CTNNA1: variants seen among roughly 807,000 people sequenced by gnomAD.
CTNNA1 encodes catenin alpha-1.
CTNNA1 carries 37 observed loss-of-function variants against 98.4 expected under a neutral mutation model. That is an observed-to-expected ratio of 0.38 (90% CI 0.29 to 0.49). The LOEUF (loss-of-function observed/expected upper bound fraction) is 0.49, where lower values mean the gene tolerates loss of function less well. Ranked by LOEUF, CTNNA1 falls within the 20% of genes least tolerant of loss-of-function variation. The pLI, the probability that CTNNA1 is intolerant of heterozygous loss-of-function variation, is 0.95. For synonymous variants in CTNNA1, 404 were observed against 413.2 expected (o/e 0.98, Z 0.27); for missense variants, 761 against 1,147.2 (o/e 0.66, Z 4.86).
chr5:138,892,476 T>C (rs1423021327), intron 9 of CTNNA1, among the ~76,000 whole-genome samples: 1 of 151,242 alleles, frequency 6.6e-6, no homozygotes, highest in Non-Finnish European at 1.5e-5. Flanking sequence ...GTTGCTAGGA[T>C]TACAGGTGCC....
At chr5:138,776,536 G>T (rs888100179) in intron 1 of CTNNA1, among the ~76,000 whole-genome samples, 8 of 152,290 alleles carry the variant, frequency 5.3e-5, no homozygotes, top group Admixed American at 4.6e-4. Flanking sequence ...CGTCATCATG[G>T]CCCGTTCTCA....
intron 7 of CTNNA1, among the ~76,000 whole-genome samples, chr5:138,855,883 T>C (rs977522606): frequency 6.6e-6 from 1 of 152,162 alleles, no homozygotes; most frequent in Non-Finnish European, 1.5e-5. Context: ...TGAAAAGAAA[T>C]GTATGTTATT....
At chr5:138,850,347 G>T in intron 7 of CTNNA1, among the ~76,000 whole-genome samples, 1 of 152,126 alleles carries the variant, frequency 6.6e-6, no homozygotes. Context: ...ACTCTATGAA[G>T]CTCACATGTC....
intron 3 of CTNNA1, among the ~76,000 whole-genome samples, chr5:138,793,974 T>A (rs1480007222): frequency 6.6e-6 from 1 of 151,896 alleles, no homozygotes; most frequent in Non-Finnish European, 1.5e-5. Flanking sequence ...CTTATAGTAT[T>A]TAAATAACTT....
At chr5:138,911,119 C>G (rs1247050467) in intron 10 of CTNNA1, among the ~76,000 whole-genome samples, 1 of 152,130 alleles carries the variant, frequency 6.6e-6, no homozygotes, top group Non-Finnish European at 1.5e-5. Flanking sequence ...AGGCTACAGT[C>G]CTGGCTACAT....
At chr5:138,880,936 G>GA (rs5871683) in intron 7 of CTNNA1, 101,621 of 346,660 alleles carry the variant, frequency 0.29, 6,385 homozygotes, top group Non-Finnish European at 0.33. Context: ...ATATGGCAAG[G>GA]AAAAAAAAAA....
chr5:138,822,126 A>G (rs148069413), intron 5 of CTNNA1, among the ~76,000 whole-genome samples: 3 of 152,318 alleles, frequency 2.0e-5, no homozygotes, highest in East Asian at 1.9e-4. Context: ...TCAGAGATAC[A>G]CTGTGATAAG....
intron 1 of CTNNA1, among the ~76,000 whole-genome samples, chr5:138,774,448 G>C (rs1336598529): frequency 6.6e-6 from 1 of 152,060 alleles, no homozygotes; most frequent in Admixed American, 6.6e-5. Flanking sequence ...AAAGTCAGAT[G>C]GTCTGGAAAC....
intron 3 of CTNNA1, among the ~76,000 whole-genome samples, chr5:138,808,487 A>G (rs1347125077): frequency 1.3e-5 from 2 of 152,128 alleles, no homozygotes; most frequent in Non-Finnish European, 2.9e-5. Flanking sequence ...TTTTAACTAT[A>G]TAATTCATTG....
intron 10 of CTNNA1, among the ~76,000 whole-genome samples, chr5:138,917,366 A>T (rs921659575): frequency 2.6e-5 from 4 of 152,206 alleles, no homozygotes; most frequent in African/African-American, 9.7e-5. Flanking sequence ...TGATATGGAG[A>T]AGCATTTAAA....
At chr5:138,776,586 G>A (rs946108778) in intron 1 of CTNNA1, among the ~76,000 whole-genome samples, 13 of 152,242 alleles carry the variant, frequency 8.5e-5, no homozygotes, top group Admixed American at 3.9e-4. Flanking sequence ...GGTGGTGGCC[G>A]AGCAGAGGGG....
intron 7 of CTNNA1, among the ~76,000 whole-genome samples, chr5:138,860,213 T>C (rs568494539): frequency 1.3e-5 from 2 of 152,226 alleles, no homozygotes; most frequent in Non-Finnish European, 2.9e-5. Flanking sequence ...TGTTTAATAA[T>C]TCTAGTTATA....
intron 7 of CTNNA1, among the ~76,000 whole-genome samples, chr5:138,878,136 G>C (rs1295050746): frequency 6.6e-6 from 1 of 152,122 alleles, no homozygotes; most frequent in Admixed American, 6.5e-5. Flanking sequence ...ATTATTTTTT[G>C]AAGGCCTCTG....
At chr5:138,931,064 T>C (rs1262111260) in intron 16 of CTNNA1, 129 bp downstream of exon 16, 4 of 659,252 alleles carry the variant, frequency 6.1e-6, no homozygotes, top group Admixed American at 2.4e-5. Context: ...ATGGTTCTTA[T>C]TAATCCCAGC....
chr5:138,825,482 G>GTTTTTTTTTTTTTTTTTTTTTTTTT lies in CTNNA1; in HGVS notation c.858+699_858+700insTTTTTTTTTTTTTTTTTTTTTTTTT, dbSNP rs756586452. Among the ~76,000 whole-genome samples, 19 of 74,110 alleles carry GTTTTTTTTTTTTTTTTTTTTTTTTT rather than the reference G, an allele frequency of 2.6e-4. 4 individuals are homozygous for GTTTTTTTTTTTTTTTTTTTTTTTTT. The highest frequency in any genetic ancestry group is 3.7e-4 in the Admixed American group (2 of 5,350). 48.6% of individuals were successfully genotyped at this position (74,110 alleles called of 152,430 possible). A position where few individuals can be genotyped will look rare whatever the true frequency, so the allele number is the denominator to read the frequency against. On this transcript the variant is annotated intron_variant, in intron 6 of 17. Coordinates refer to ENST00000302763, the MANE Select transcript of CTNNA1 (RefSeq NM_001903.5). Reference sequence around the variant, plus strand: ...CTTCCAGTAGATGGCAGCAGTATAAGTTTTTTTTTTTTTTTTAGGGCTTTA... The same window carrying GTTTTTTTTTTTTTTTTTTTTTTTTT: ...CTTCCAGTAGATGGCAGCAGTATAAGTTTTTTTTTTTTTTTTTTTTTTTTTTTTTTTTTTTTTTTTTAGGGCTTTA...
chr5:138,788,286 T>C (rs1755944226), intron 3 of CTNNA1, among the ~76,000 whole-genome samples: 1 of 152,170 alleles, frequency 6.6e-6, no homozygotes, highest in Non-Finnish European at 1.5e-5. Flanking sequence ...CACTTAAATG[T>C]TTGAGTAAGA....
chr5:138,825,907 C>T (rs1172480892), intron 6 of CTNNA1, among the ~76,000 whole-genome samples: 1 of 152,026 alleles, frequency 6.6e-6, no homozygotes, highest in Non-Finnish European at 1.5e-5. Context: ...CAAAATTTGG[C>T]AGTATTAGGT....
At chr5:138,759,854 C>A (rs913159706) in intron 1 of CTNNA1, among the ~76,000 whole-genome samples, 4 of 151,902 alleles carry the variant, frequency 2.6e-5, no homozygotes, top group African/African-American at 7.3e-5. Context: ...TGCAAGCTTT[C>A]TTCAACAGTC....
chr5:138,858,681 C>T (rs963014104), intron 7 of CTNNA1, among the ~76,000 whole-genome samples: 3 of 146,352 alleles, frequency 2.0e-5, no homozygotes, highest in Non-Finnish European at 3.0e-5. Flanking sequence ...CTGCAACCTC[C>T]GCCTCCCGCA....
Sources: gnomAD v4.1 joint callset for allele counts (sites outside exome capture counted in the v4.1 genomes callset) on GRCh38, gnomAD v4.1.1 for gene constraint, MANE v1.5 for transcripts, NCBI Gene and HGNC (gene_info 2026-07-23, HGNC 2026-07-21) for gene names.